SNURF: variants seen among roughly 807,000 people sequenced by gnomAD.
The protein encoded by SNURF is SNRPN upstream open reading frame.
Under a neutral mutation model 11.6 loss-of-function variants are expected in SNURF, and 6 were observed. That is an observed-to-expected ratio of 0.52 (90% CI 0.28 to 1.02). The LOEUF is 1.02. SNURF is among the 50% of genes least tolerant of loss of function. The probability of loss-of-function intolerance (pLI) is 0.09; values close to 1 mark genes in which losing one functional copy is unlikely to be tolerated. For missense variants in SNURF, 84 were observed against 88.4 expected (o/e 0.95, Z 0.20); for synonymous variants, 29 against 31.6 (o/e 0.92, Z 0.27).
In SNURF at chr15:24,956,356, G is replaced by GGGGC. The variant is rs975599510; in HGVS notation, c.14+1297_14+1298insCGGG. On this transcript the variant is annotated intron_variant, in intron 1 of 2. Coordinates refer to ENST00000577949, the Ensembl canonical transcript of SNURF. ...TTAGATCTGCGCAAGCGCTTCAGCG[G>GGGGC]GGGGGTGGCCGCTTCCTCCCTGTAG... Among the ~76,000 whole-genome samples the GGGGC allele has an allele frequency of 4.7e-5, 7 of 149,748 alleles. 1 individual carries two copies. The highest frequency in any genetic ancestry group is 3.9e-4 in the East Asian group (2 of 5,068).
intron 2 of SNURF, among the ~76,000 whole-genome samples, chr15:24,965,519 A>T (rs1363532157): frequency 3.9e-5 from 6 of 152,206 alleles, no homozygotes. Flanking sequence ...TGGGTGACAT[A>T]GCAAGACTCC....
chr15:24,976,503 C>T, intron 5 of SNURF: 2 of 909,216 alleles, frequency 2.2e-6, no homozygotes, highest in Admixed American at 2.4e-5. Flanking sequence ...AGAGCAGACA[C>T]AGTTCAACAT....
chr15:24,962,029 T>C (rs1193880262), intron 1 of SNURF, 85 bp from the exon 2 acceptor site: 1 of 1,094,444 alleles, frequency 9.1e-7, no homozygotes, highest in Non-Finnish European at 1.4e-6. Flanking sequence ...TTATATTAAA[T>C]GTAGTTCTAA....
At chr15:24,956,647 C>T (rs1431987298) in intron 1 of SNURF, among the ~76,000 whole-genome samples, 1 of 152,210 alleles carries the variant, frequency 6.6e-6, no homozygotes, top group African/African-American at 2.4e-5. Context: ...TGGCAGCCCT[C>T]CCCTTCACCT....
chr15:24,977,657 T>C (rs1596350314), intron 6 of SNURF: 4 of 965,496 alleles, frequency 4.1e-6, no homozygotes, highest in East Asian at 2.8e-5. Context: ...ATGGGAATAA[T>C]GAGAGAAGTA....
intron 2 of SNURF, among the ~76,000 whole-genome samples, chr15:24,965,285 C>A (rs2075442772): frequency 6.6e-6 from 1 of 152,130 alleles, no homozygotes; most frequent in South Asian, 2.1e-4. Flanking sequence ...CGCCTGTAAT[C>A]CCAGCACTTT....
At chr15:24,975,758 G>A (rs1381335340) in intron 4 of SNURF, among the ~76,000 whole-genome samples, 2 of 152,056 alleles carry the variant, frequency 1.3e-5, no homozygotes, top group Non-Finnish European at 2.9e-5. Flanking sequence ...CAGAATACTC[G>A]TATTTATTTT....
chr15:24,978,519 T>C (rs1314068662), downstream of SNURF: 4 of 1,326,434 alleles, frequency 3.0e-6, no homozygotes, highest in East Asian at 9.2e-5. Flanking sequence ...GTTTGTGAGC[T>C]TTTTGTTCCC....
At chr15:24,955,602 C>A (rs1555403987) in intron 1 of SNURF, among the ~76,000 whole-genome samples, 1 of 116,348 alleles carries the variant, frequency 8.6e-6, no homozygotes, top group Non-Finnish European at 1.7e-5. Flanking sequence ...CGTGGGGCGA[C>A]TGGGGGGGGA....
At chr15:24,957,393 C>G (rs571917950) in intron 1 of SNURF, among the ~76,000 whole-genome samples, 1 of 152,112 alleles carries the variant, frequency 6.6e-6, no homozygotes, top group Admixed American at 6.6e-5. Context: ...CAGTTACTGT[C>G]TTTTTTTGGA....
At chr15:24,973,249 A>C (rs1031891269), downstream of SNURF, among the ~76,000 whole-genome samples, 1 of 152,066 alleles carries the variant, frequency 6.6e-6, no homozygotes, top group East Asian at 1.9e-4. Context: ...AACATGATAT[A>C]CAGGTTTGTA....
At chr15:24,962,266 A>G (rs1435948482) in intron 2 of SNURF, 57 bp downstream of exon 2, 3 of 1,379,238 alleles carry the variant, frequency 2.2e-6, no homozygotes, top group Non-Finnish European at 3.1e-6. Context: ...TCAGATTAGA[A>G]CAAAATATCA....
At chr15:24,973,855 A>G (rs1014029563) in intron 3 of SNURF, among the ~76,000 whole-genome samples, 2 of 152,222 alleles carry the variant, frequency 1.3e-5, no homozygotes, top group Admixed American at 6.5e-5. Context: ...GGGAAAGATT[A>G]CCTGCCATCA....
intron 4 of SNURF, among the ~76,000 whole-genome samples, chr15:24,975,702 A>C (rs1459610703): frequency 6.6e-6 from 1 of 152,216 alleles, no homozygotes. Flanking sequence ...TAAGTTTGTA[A>C]AACAATCATG....
At chr15:24,968,089 G>GC (rs2075909972) in exon 3 of SNURF, 1 of 1,435,642 alleles carries the variant, frequency 7.0e-7, no homozygotes, top group South Asian at 1.1e-5. Context: ...CCAGGTTAGA[G>GC]CTAATGCAGC....
chr15:24,972,778 G>C (rs1467041201), downstream of SNURF, among the ~76,000 whole-genome samples: 3 of 139,694 alleles, frequency 2.1e-5, no homozygotes, highest in African/African-American at 8.7e-5. Flanking sequence ...ATGCATGCTT[G>C]ATTACGGTCA....
intron 1 of SNURF, among the ~76,000 whole-genome samples, chr15:24,960,722 A>G (rs1315277075): frequency 6.6e-6 from 1 of 152,166 alleles, no homozygotes; most frequent in Non-Finnish European, 1.5e-5. Flanking sequence ...GTAGCAATAG[A>G]ATTTGCCCTT....
chr15:24,973,484 G>A (rs1265392990), downstream of SNURF, among the ~76,000 whole-genome samples: 1 of 152,048 alleles, frequency 6.6e-6, no homozygotes, highest in East Asian at 1.9e-4. Context: ...TGCAACCTCT[G>A]CCTCCCAGGT....
intron 1 of SNURF, among the ~76,000 whole-genome samples, chr15:24,961,197 A>G (rs959322709): frequency 5.3e-5 from 8 of 152,226 alleles, no homozygotes; most frequent in African/African-American, 1.9e-4. Context: ...CCATTTAGAA[A>G]TCAAATATGT....
Sources: allele counts gnomAD v4.1 joint callset (sites outside exome capture counted in the v4.1 genomes callset), GRCh38; gene constraint gnomAD v4.1.1; transcripts MANE v1.5; gene names NCBI Gene and HGNC (gene_info 2026-07-23, HGNC 2026-07-21).